Variants in DPY19L2 observed in about 807,000 individuals in gnomAD.
The protein encoded by DPY19L2 is probable C-mannosyltransferase DPY19L2.
A neutral mutation model predicts 97.9 loss-of-function variants in DPY19L2; 34 were observed. The ratio of observed to expected loss-of-function variants is 0.35; its 90% CI spans 0.26 to 0.46. The LOEUF is 0.46. DPY19L2 is among the 20% of genes least tolerant of loss of function. The pLI is 1.00. For missense variants in DPY19L2, 623 were observed against 911.4 expected, an observed-to-expected ratio of 0.68 and a Z score of 4.07; for synonymous variants, 230 against 307.9, an observed-to-expected ratio of 0.75 and a Z score of 2.65.
intron 16 of DPY19L2, among the ~76,000 whole-genome samples, chr12:63,591,567 T>G (rs550379530): frequency 6.6e-6 from 1 of 152,282 alleles, no homozygotes; most frequent in African/African-American, 2.4e-5. Flanking sequence ...AATTTACTTA[T>G]GTGTGACTGA....
intron 13 of DPY19L2, among the ~76,000 whole-genome samples, chr12:63,599,905 T>C (rs1565743716): frequency 6.6e-6 from 1 of 152,174 alleles, no homozygotes; most frequent in African/African-American, 2.4e-5. Flanking sequence ...TCCACAGTTA[T>C]AAATAAATAA....
chr12:63,593,396 T>C (rs1176546332), intron 16 of DPY19L2, among the ~76,000 whole-genome samples: 1 of 152,008 alleles, frequency 6.6e-6, no homozygotes, highest in Non-Finnish European at 1.5e-5. Flanking sequence ...AACCCAAATG[T>C]CCAACAATGA....
At chr12:63,651,712 GT>G in intron 4 of DPY19L2, 1 of 449,258 alleles carries the variant, frequency 2.2e-6, no homozygotes, top group Admixed American at 2.2e-5. Flanking sequence ...GGAAAGGATG[GT>G]TACAACTGCA....
chr12:63,579,944 A>G (rs965437945), intron 19 of DPY19L2, among the ~76,000 whole-genome samples: 3 of 152,160 alleles, frequency 2.0e-5, no homozygotes, highest in Non-Finnish European at 4.4e-5. Flanking sequence ...GTACCAGAGT[A>G]AGTTTCTAAA....
chr12:63,572,617 G>A (rs1375512273), intron 19 of DPY19L2, among the ~76,000 whole-genome samples: 3 of 152,092 alleles, frequency 2.0e-5, no homozygotes, highest in Admixed American at 2.0e-4. Flanking sequence ...TGAGCTTTGG[G>A]TAAGACCCAG....
At chr12:63,587,191 T>C (rs1424878698) in intron 16 of DPY19L2, among the ~76,000 whole-genome samples, 2 of 152,102 alleles carry the variant, frequency 1.3e-5, no homozygotes, top group East Asian at 3.8e-4. Flanking sequence ...AAGCAAAGAA[T>C]ATCCTTTATA....
In DPY19L2 at chr12:63,668,475, C is replaced by T; in HGVS notation, c.-82G>A. The T allele has an allele frequency of 7.3e-7, 1 of 1,370,300 alleles. No homozygotes were observed. The highest frequency in any genetic ancestry group is 1.5e-5 in the South Asian group (1 of 66,592). 84.9% of individuals were successfully genotyped at this position (1,370,300 alleles called of 1,614,324 possible). ...CGAGGTCCAGAGAGACCTGACTCGC[C>T]TGGCAGCCTCAACGGACTTGTCCCC... On this transcript the variant is annotated 5_prime_UTR_variant, in exon 1 of 22. Transcript: ENST00000324472.
rs183869998 is a variant in DPY19L2 at position 63,608,015 on chromosome 12, G to T, written c.1278+601C>A. 3.3e-4 allele frequency among the ~76,000 whole-genome samples: 51 copies of T among 152,280 alleles called. 1 individual carries two copies. Among genetic ancestry groups the T allele is most frequent in the African/African-American group, 1.2e-3 (49 of 41,538 alleles). On this transcript the variant is annotated intron_variant, in intron 12 of 21. Coordinates refer to ENST00000324472, the MANE Select transcript of DPY19L2 (RefSeq NM_173812.5). ...TCTCCTGTAAGAGAATTTAGGAGTT[G>T]CACTACCTGCCTAATAACTTATTTT...
intron 6 of DPY19L2, among the ~76,000 whole-genome samples, chr12:63,639,911 T>C (rs1053003327): frequency 1.4e-4 from 21 of 152,314 alleles, no homozygotes; most frequent in African/African-American, 4.3e-4. Context: ...CATATGTTTA[T>C]TGTGGCACTA....
chr12:63,626,805 A>T (rs113818475), intron 6 of DPY19L2, among the ~76,000 whole-genome samples: 1 of 151,954 alleles, frequency 6.6e-6, no homozygotes, highest in African/African-American at 2.4e-5. Context: ...TTGAGATGGG[A>T]TCTTGCTCTG....
rs760526902 is a variant in DPY19L2 at position 63,594,126 on chromosome 12, C to A, written c.1541G>T (p.Arg514Leu). 6.5e-7 allele frequency: 1 copy of A among 1,542,156 alleles called. No homozygotes were observed. The highest frequency in any genetic ancestry group is 2.3e-5 in the East Asian group (1 of 43,614). The change falls in exon 16 of 22, where the codon CGT (arginine) becomes CTT (leucine). Residue 514 changes from arginine to leucine, a missense_variant. Transcript: ENST00000324472. ...ITCFIFKKTVRDISYVLATNI... is the reference protein window; with the variant it reads ...ITCFIFKKTVLDISYVLATNI... ...TGTAGCTAAAACATATGAAATATCA[C>A]GAACAGTCTGTGAATAGAATCAAAT...
At chr12:63,607,507 A>G (rs1300566336) in intron 12 of DPY19L2, among the ~76,000 whole-genome samples, 2 of 152,192 alleles carry the variant, frequency 1.3e-5, no homozygotes, top group Non-Finnish European at 2.9e-5. Context: ...AAATCTTTCT[A>G]TATTTTCACC....
Position 63,621,225 on chromosome 12 carries a change from A to C in DPY19L2, c.1053+13T>G, listed in dbSNP as rs1888644556. 1.1e-6 allele frequency: 1 copy of C among 951,614 alleles called. No individual in the cohort carries two copies. The highest frequency in any genetic ancestry group is 1.7e-5 in the African/African-American group (1 of 59,392). 58.9% of individuals were successfully genotyped at this position (951,614 alleles called of 1,614,324 possible). ...AAAATAAAAATAAAAATTAATTTAA[A>C]AAATCATCTTACCTGTGTAAAAAGT... On this transcript the variant is annotated intron_variant, in intron 9 of 21. Coordinates refer to ENST00000324472, the MANE Select transcript of DPY19L2 (RefSeq NM_173812.5).
chr12:63,630,166 C>A (rs2137919856), intron 6 of DPY19L2, among the ~76,000 whole-genome samples: 1 of 152,212 alleles, frequency 6.6e-6, no homozygotes, highest in East Asian at 1.9e-4. Context: ...AACTAACGAG[C>A]AAAATAACCA....
At chr12:63,668,501 G>A, upstream of DPY19L2, 2 of 1,190,704 alleles carry the variant, frequency 1.7e-6, no homozygotes, top group Non-Finnish European at 2.3e-6. Flanking sequence ...ACTTGTCCCC[G>A]CAGCCGTTGC....
chr12:63,587,348 G>C (rs11504144), intron 16 of DPY19L2, among the ~76,000 whole-genome samples: 28,600 of 151,146 alleles, frequency 0.19, 3,467 homozygotes, highest in African/African-American at 0.39. Flanking sequence ...AGATAAAGTA[G>C]AAAAATAAGT....
intron 19 of DPY19L2, among the ~76,000 whole-genome samples, chr12:63,572,234 G>A (rs1879001808): frequency 6.6e-6 from 1 of 152,156 alleles, no homozygotes; most frequent in East Asian, 1.9e-4. Flanking sequence ...CTCACCACAA[G>A]CTGACTGAAA....
At chr12:63,644,541 C>T (rs1177799740) in intron 5 of DPY19L2, 45 bp from the exon 6 acceptor site, 3 of 1,590,898 alleles carry the variant, frequency 1.9e-6, no homozygotes, top group Non-Finnish European at 2.6e-6. Context: ...ATATATGACT[C>T]TAAGGCAATT....
intron 6 of DPY19L2, among the ~76,000 whole-genome samples, chr12:63,633,719 T>C (rs1484217655): frequency 6.6e-6 from 1 of 152,170 alleles, no homozygotes; most frequent in Non-Finnish European, 1.5e-5. Context: ...ACTGGGTATA[T>C]ACCCAAAGGA....
Sources: allele counts gnomAD v4.1 joint callset (sites outside exome capture counted in the v4.1 genomes callset), GRCh38; gene constraint gnomAD v4.1.1; transcripts MANE v1.5; gene names NCBI Gene and HGNC (gene_info 2026-07-23, HGNC 2026-07-21).